The following PKNOX2 variants were observed in gnomAD, a reference collection of about 807,000 sequenced individuals.
PKNOX2 encodes homeobox protein PKNOX2.
In PKNOX2, 14 loss-of-function variants were observed where a neutral mutation model predicts 53.1. The ratio of observed to expected loss-of-function variants is 0.26; its 90% CI spans 0.17 to 0.41. The LOEUF (loss-of-function observed/expected upper bound fraction) is 0.41. Among genes scored for constraint, PKNOX2 ranks in the 10% least tolerant of loss-of-function variants. The pLI, the probability that PKNOX2 is intolerant of heterozygous loss-of-function variation, is 1.00. For missense variants in PKNOX2, 496 were observed against 602.8 expected (o/e 0.82, Z 1.85); for synonymous variants, 257 against 242.8 (o/e 1.06, Z -0.54).
chr11:125,296,755 CCT>C (rs1345157263), intron 2 of PKNOX2, among the ~76,000 whole-genome samples: 1 of 152,196 alleles, frequency 6.6e-6, no homozygotes, highest in African/African-American at 2.4e-5. Flanking sequence ...CCTGCTTCAG[CCT>C]CCCAAGTAGC....
rs2135720539 is a variant in PKNOX2, at chr11:125,433,324, T to G, written c.*1932T>G. ...CTAATGTTATGCAACCTCCTTCTGATGTATCCACCAAACCAGTACTGAATG... is the reference window on the plus strand; with the variant it reads ...CTAATGTTATGCAACCTCCTTCTGAGGTATCCACCAAACCAGTACTGAATG... On this transcript the variant is annotated 3_prime_UTR_variant, in exon 13 of 13. Transcript: ENST00000298282. 1 of 152,856 alleles carries G rather than the reference T, an allele frequency of 6.5e-6. No individual in the cohort carries two copies. The allele number at this position is 152,856 out of a possible 1,614,324, so 9.5% of individuals were successfully genotyped here.
At chr11:125,290,494 A>G (rs1433669376) in intron 2 of PKNOX2, among the ~76,000 whole-genome samples, 1 of 152,200 alleles carries the variant, frequency 6.6e-6, no homozygotes, top group Non-Finnish European at 1.5e-5. Flanking sequence ...GAATGAATAA[A>G]TGGGTGAGTG....
intron 1 of PKNOX2, among the ~76,000 whole-genome samples, chr11:125,171,715 C>G (rs1955333283): frequency 2.6e-5 from 4 of 152,348 alleles, no homozygotes; most frequent in African/African-American, 9.6e-5. Flanking sequence ...GGGCCCTTTT[C>G]CAGGTCACTG....
rs1952284220 is a variant in PKNOX2, at chr11:125,367,964, C to A, written c.206C>A (p.Ala69Asp). 9.3e-6 allele frequency: 15 copies of A among 1,613,190 alleles called. No individual in the cohort carries two copies. Among genetic ancestry groups the A allele is most frequent in the Non-Finnish European group, 1.3e-5 (15 of 1,179,556 alleles). Reference sequence around the variant, plus strand: ...ATCGACCCCCAGGCCCAGCTGGAGGCTGACAAGCGAGCTGTATACAGGTAG... The same window carrying A: ...ATCGACCCCCAGGCCCAGCTGGAGGATGACAAGCGAGCTGTATACAGGTAG... ...APIDPQAQLE[A>D]DKRAVYRHPL... The change falls in exon 5 of 13, where the codon GCT (alanine) becomes GAT (aspartate). Residue 69 changes from alanine (A) to aspartate (D), a missense_variant. Ala to Asp is a moderately radical substitution (Grantham distance 126). Around this residue, in one of 5 missense-constraint regions of PKNOX2, gnomAD observed 168 missense variants for 178.4 expected, o/e 0.94. Coordinates refer to ENST00000298282, the MANE Select transcript of PKNOX2 (RefSeq NM_001382323.2).
chr11:125,366,425 T>C (rs772752588), intron 4 of PKNOX2, among the ~76,000 whole-genome samples: 7 of 152,264 alleles, frequency 4.6e-5, no homozygotes, highest in Non-Finnish European at 8.8e-5. Flanking sequence ...CATCTATTCA[T>C]TGATTCAACA....
chr11:125,412,359 C>G (rs1225895818), intron 10 of PKNOX2, among the ~76,000 whole-genome samples: 1 of 152,214 alleles, frequency 6.6e-6, no homozygotes, highest in Non-Finnish European at 1.5e-5. Context: ...GGAATCCTGG[C>G]TCCTCATGTC....
chr11:125,376,824 A>G (rs976340332), intron 5 of PKNOX2, among the ~76,000 whole-genome samples: 46 of 152,068 alleles, frequency 3.0e-4, no homozygotes, highest in Non-Finnish European at 6.0e-4. Context: ...TGAGGAAGAC[A>G]GTCCTGTGCA....
At chr11:125,416,392 A>C (rs1439224721) in intron 10 of PKNOX2, among the ~76,000 whole-genome samples, 1 of 145,640 alleles carries the variant, frequency 6.9e-6, no homozygotes, top group African/African-American at 2.6e-5. Flanking sequence ...CCAGATTTTT[A>C]TTATGTATTC....
chr11:125,429,791 T>G (rs1026020584), intron 11 of PKNOX2, among the ~76,000 whole-genome samples, 172 bp from the exon 12 acceptor site: 1 of 152,158 alleles, frequency 6.6e-6, no homozygotes, highest in Admixed American at 6.5e-5. Flanking sequence ...CCAGGAAATT[T>G]CATGAACTTC....
Position 125,343,831 on chromosome 11 carries a change from C to T in PKNOX2, c.-22-7453C>T, listed in dbSNP as rs563070537. Among the ~76,000 whole-genome samples, 609 of 152,124 alleles carry T rather than the reference C, an allele frequency of 4.0e-3. 2 individuals are homozygous for T. The highest frequency in any genetic ancestry group is 6.6e-3 in the Non-Finnish European group (450 of 67,996). On this transcript the variant is annotated intron_variant, in intron 3 of 12. Transcript: ENST00000298282. ...TGTTGCTCGTCTGACTCTCCTGCTC[C>T]GTGTTGTGAAGCCCAGTTAAAAAAA...
intron 3 of PKNOX2, among the ~76,000 whole-genome samples, chr11:125,347,395 G>T (rs1951036525): frequency 6.6e-6 from 1 of 152,196 alleles, no homozygotes; most frequent in Non-Finnish European, 1.5e-5. Flanking sequence ...TTGTGCCCCA[G>T]GCCATTAATG....
chr11:125,228,761 T>C (rs187697024), intron 1 of PKNOX2, among the ~76,000 whole-genome samples: 124 of 152,344 alleles, frequency 8.1e-4, no homozygotes, highest in African/African-American at 2.8e-3. Flanking sequence ...TAAGTGGACA[T>C]GATTTCTTCC....
rs1565462221 is a variant in PKNOX2 at position 125,178,549 on chromosome 11, AGAAGGAAGGAAGGAACGAAG to A, written c.-201+13789_-201+13808del. Among the ~76,000 whole-genome samples, 166 of 128,074 alleles carry A rather than the reference AGAAGGAAGGAAGGAACGAAG, an allele frequency of 1.3e-3. 5 individuals carry two copies. Among genetic ancestry groups the A allele is most frequent in the African/African-American group, 5.8e-3 (155 of 26,534 alleles). The allele number at this position is 128,074 out of a possible 152,430, so 84.0% of individuals were successfully genotyped here. ...AAGAAAGAAAGAAAGGGAGAGAGAG[AGAAGGAAGGAAGGAACGAAG>A]GAAGGAAGGAAGGAAGGAAGGAAGG... On this transcript the variant is annotated intron_variant, in intron 1 of 12. Coordinates refer to ENST00000298282, the MANE Select transcript of PKNOX2 (RefSeq NM_001382323.2).
At chr11:125,301,774 G>A (rs1460907474) in intron 2 of PKNOX2, among the ~76,000 whole-genome samples, 1 of 152,198 alleles carries the variant, frequency 6.6e-6, no homozygotes, top group Non-Finnish European at 1.5e-5. Context: ...AGAGGAGACA[G>A]AAGTGATTTT....
chr11:125,350,981 T>C (rs948671798), intron 3 of PKNOX2, among the ~76,000 whole-genome samples: 1 of 151,958 alleles, frequency 6.6e-6, no homozygotes, highest in African/African-American at 2.4e-5. Context: ...CCCCTCCCTC[T>C]TCGTGCCCCC....
intron 5 of PKNOX2, among the ~76,000 whole-genome samples, chr11:125,368,573 CTG>C (rs980426573): frequency 1.3e-5 from 2 of 152,234 alleles, no homozygotes; most frequent in African/African-American, 2.4e-5. Context: ...ATGGTAGTCT[CTG>C]TTTTTAAACA....
chr11:125,324,276 T>A (rs1591528142), intron 2 of PKNOX2, among the ~76,000 whole-genome samples: 1 of 152,186 alleles, frequency 6.6e-6, no homozygotes, highest in South Asian at 2.1e-4. Context: ...GTTTTCCCTT[T>A]TTAAAAATAG....
At chr11:125,235,732 G>A (rs547001026) in intron 2 of PKNOX2, among the ~76,000 whole-genome samples, 45 of 152,288 alleles carry the variant, frequency 3.0e-4, no homozygotes, top group African/African-American at 1.0e-3. Flanking sequence ...AGCTGGAAGC[G>A]ATCTCTTCCC....
intron 1 of PKNOX2, among the ~76,000 whole-genome samples, chr11:125,188,394 T>C (rs139899496): frequency 6.6e-6 from 1 of 152,336 alleles, no homozygotes; most frequent in African/African-American, 2.4e-5. Context: ...TAGAAATTCA[T>C]TGCTGCAAGG....
Sources: gnomAD v4.1 joint callset for allele counts (sites outside exome capture counted in the v4.1 genomes callset) on GRCh38, gnomAD v4.1.1 for gene constraint, gnomAD v4.1.1 regional missense constraint, MANE v1.5 for transcripts, NCBI Gene and HGNC (gene_info 2026-07-23, HGNC 2026-07-21) for gene names.